KCTD16: variants seen among roughly 807,000 people sequenced by gnomAD.
KCTD16 encodes potassium channel tetramerization domain containing 16.
KCTD16 carries 13 observed loss-of-function variants against 33.2 expected under a neutral mutation model. The observed-to-expected ratio is 0.39, with a 90% CI of 0.25 to 0.62. The LOEUF is 0.62. Among genes scored for constraint, KCTD16 ranks in the 20% least tolerant of loss-of-function variants. The pLI is 0.50. For synonymous variants in KCTD16, 197 were observed against 195.3 expected (o/e 1.01, Z -0.07); for missense variants, 441 against 525.1 (o/e 0.84, Z 1.57).
rs116848915 is a variant in KCTD16, at chr5:144,180,743, G to C, written c.-327+6271G>C. The stretch of plus-strand genomic sequence containing the variant: ...ACACATGGTTTCTTCATGTGGTACG[G>C]GCTTCCTCAAAACATGGCGGCTGTA... On this transcript the variant is annotated intron_variant, in intron 2 of 3. Transcript: ENST00000512467. Among the ~76,000 whole-genome samples, 88 of 152,188 alleles carry C rather than the reference G, an allele frequency of 5.8e-4. 1 individual carries two copies. In the East Asian group the frequency reaches 0.015, roughly 25 times the overall value.
intron 3 of KCTD16, among the ~76,000 whole-genome samples, chr5:144,330,645 G>C (rs1190343807): frequency 6.6e-6 from 1 of 151,822 alleles, no homozygotes; most frequent in African/African-American, 2.4e-5. Context: ...GCTAGCTTCT[G>C]ATATGTCAAG....
intron 3 of KCTD16, among the ~76,000 whole-genome samples, chr5:144,363,506 G>T (rs1202222518): frequency 6.6e-6 from 1 of 151,940 alleles, no homozygotes; most frequent in Non-Finnish European, 1.5e-5. Flanking sequence ...CTCTAACCAG[G>T]CATAGATGCT....
At chr5:144,427,044 C>T (rs1251787890) in intron 3 of KCTD16, among the ~76,000 whole-genome samples, 1 of 152,102 alleles carries the variant, frequency 6.6e-6, no homozygotes, top group Non-Finnish European at 1.5e-5. Context: ...GTTCCCTCTT[C>T]CTGGAACACT....
chr5:144,270,943 A>T (rs1347252151), intron 3 of KCTD16, among the ~76,000 whole-genome samples: 2 of 151,974 alleles, frequency 1.3e-5, no homozygotes, highest in Admixed American at 1.3e-4. Flanking sequence ...ATTTGTAGAA[A>T]CACAAAACTT....
chr5:144,237,761 C>A (rs940285930), intron 3 of KCTD16, among the ~76,000 whole-genome samples: 1 of 152,110 alleles, frequency 6.6e-6, no homozygotes, highest in African/African-American at 2.4e-5. Context: ...TCCTACCCTC[C>A]ACCTCCATGT....
intron 3 of KCTD16, among the ~76,000 whole-genome samples, chr5:144,229,908 G>A (rs577107552): frequency 6.6e-6 from 1 of 152,318 alleles, no homozygotes; most frequent in East Asian, 1.9e-4. Flanking sequence ...TTGGGAGGCC[G>A]AGGCGGGCTA....
chr5:144,191,527 A>G (rs1397335271), intron 2 of KCTD16, among the ~76,000 whole-genome samples: 1 of 152,090 alleles, frequency 6.6e-6, no homozygotes. Context: ...TCTAGGTTCC[A>G]CCTGTCCTTC....
intron 3 of KCTD16, among the ~76,000 whole-genome samples, chr5:144,207,844 T>C (rs1407920632): frequency 2.6e-5 from 4 of 152,210 alleles, no homozygotes; most frequent in Non-Finnish European, 4.4e-5. Flanking sequence ...TTGCCAGATA[T>C]TGAATTGAGA....
chr5:144,199,102 T>TA (rs1233023601), intron 2 of KCTD16, among the ~76,000 whole-genome samples: 2 of 152,220 alleles, frequency 1.3e-5, no homozygotes, highest in African/African-American at 2.4e-5. Flanking sequence ...TTGAGATATT[T>TA]ATTATTGCAA....
intron 3 of KCTD16, among the ~76,000 whole-genome samples, chr5:144,430,442 AG>A (rs1367205976): frequency 6.6e-6 from 1 of 152,018 alleles, no homozygotes; most frequent in Non-Finnish European, 1.5e-5. Flanking sequence ...AGGAGCCAAA[AG>A]GGTTGGCTTC....
intron 1 of KCTD16, among the ~76,000 whole-genome samples, chr5:144,173,483 G>A (rs887363220): frequency 6.6e-6 from 1 of 152,144 alleles, no homozygotes; most frequent in Non-Finnish European, 1.5e-5. Context: ...CATATTGGAG[G>A]GAGGAGGGAG....
At chr5:144,407,199 CTGT>C (rs1357514001) in intron 3 of KCTD16, among the ~76,000 whole-genome samples, 2 of 88,688 alleles carry the variant, frequency 2.3e-5, no homozygotes, top group Non-Finnish European at 4.1e-5. Context: ...AAAAAAATTC[CTGT>C]TTTTTTTTTT....
intron 2 of KCTD16, among the ~76,000 whole-genome samples, chr5:144,177,647 C>T (rs945832487): frequency 3.3e-5 from 5 of 152,178 alleles, no homozygotes; most frequent in Non-Finnish European, 7.3e-5. Context: ...GTATGCCTGT[C>T]TCTGTGTCCA....
intron 3 of KCTD16, among the ~76,000 whole-genome samples, chr5:144,415,016 A>G (rs998592091): frequency 3.9e-5 from 6 of 152,204 alleles, no homozygotes; most frequent in Admixed American, 6.5e-5. Flanking sequence ...CCTGAGACTG[A>G]GTAATTCATA....
intron 3 of KCTD16, among the ~76,000 whole-genome samples, chr5:144,451,424 C>T (rs1311605469): frequency 6.6e-6 from 1 of 152,128 alleles, no homozygotes; most frequent in Non-Finnish European, 1.5e-5. Flanking sequence ...GATTCCTCAG[C>T]CTTAACTGTG....
chr5:144,182,238 C>G (rs1050874169), intron 2 of KCTD16, among the ~76,000 whole-genome samples: 1 of 152,172 alleles, frequency 6.6e-6, no homozygotes, highest in Non-Finnish European at 1.5e-5. Flanking sequence ...CACTTCCCCC[C>G]TTCACCTTCT....
At chr5:144,188,913 T>G (rs769992966) in intron 2 of KCTD16, among the ~76,000 whole-genome samples, 13 of 152,290 alleles carry the variant, frequency 8.5e-5, no homozygotes, top group South Asian at 2.1e-4. Flanking sequence ...AAAAGAGAGA[T>G]AAAAGATCAA....
intron 3 of KCTD16, among the ~76,000 whole-genome samples, chr5:144,307,030 T>G (rs1480136137): frequency 6.6e-6 from 1 of 152,190 alleles, no homozygotes; most frequent in African/African-American, 2.4e-5. Flanking sequence ...GTTTTTTTGT[T>G]GGTTACCCAA....
chr5:144,344,328 GC>G (rs1752725719), intron 3 of KCTD16, among the ~76,000 whole-genome samples: 1 of 148,932 alleles, frequency 6.7e-6, no homozygotes, highest in Admixed American at 6.7e-5. Flanking sequence ...AACACCAAAA[GC>G]AATGGCAACA....
Sources: allele counts gnomAD v4.1 joint callset (sites outside exome capture counted in the v4.1 genomes callset), GRCh38; gene constraint gnomAD v4.1.1; transcripts MANE v1.5; gene names NCBI Gene and HGNC (gene_info 2026-07-23, HGNC 2026-07-21).